Variants in CDK14 observed in about 807,000 individuals in gnomAD.
CDK14 encodes cyclin-dependent kinase 14.
Under a neutral mutation model 60.7 loss-of-function variants are expected in CDK14, and 34 were observed. The observed-to-expected ratio is 0.56, with a 90% confidence interval of 0.43 to 0.75. The LOEUF (loss-of-function observed/expected upper bound fraction) is 0.75. Ranked by LOEUF, CDK14 falls within the 30% of genes least tolerant of loss-of-function variation. The probability of loss-of-function intolerance (pLI) is 0.00; values close to 1 mark genes in which losing one functional copy is unlikely to be tolerated. For synonymous variants in CDK14, 197 were observed against 203.7 expected, an observed-to-expected ratio of 0.97 and a Z score of 0.28; for missense variants, 482 against 564.1, an observed-to-expected ratio of 0.85 and a Z score of 1.47.
At chr7:90,946,746 G>A (rs1246556182) in intron 8 of CDK14, among the ~76,000 whole-genome samples, 1 of 152,088 alleles carries the variant, frequency 6.6e-6, no homozygotes, top group Non-Finnish European at 1.5e-5. Flanking sequence ...CCTTTAGATT[G>A]GCTTTGACCA....
At chr7:90,768,138 G>A (rs1804641399) in intron 4 of CDK14, among the ~76,000 whole-genome samples, 1 of 152,126 alleles carries the variant, frequency 6.6e-6, no homozygotes, top group Non-Finnish European at 1.5e-5. Flanking sequence ...TGTTAAAAAA[G>A]GGCTCGTTTA....
intron 5 of CDK14, among the ~76,000 whole-genome samples, chr7:90,813,109 C>T (rs1466346109): frequency 1.3e-5 from 2 of 152,190 alleles, no homozygotes; most frequent in African/African-American, 4.8e-5. Flanking sequence ...GTTTGAACCT[C>T]ATAAACACTG....
intron 14 of CDK14, among the ~76,000 whole-genome samples, chr7:91,195,909 C>T (rs1047087152): frequency 6.6e-6 from 1 of 152,192 alleles, no homozygotes; most frequent in Non-Finnish European, 1.5e-5. Context: ...TTTCCTGTGT[C>T]TCTGTCTGCA....
intron 4 of CDK14, among the ~76,000 whole-genome samples, chr7:90,784,382 T>C (rs1805478917): frequency 6.6e-6 from 1 of 152,162 alleles, no homozygotes; most frequent in East Asian, 1.9e-4. Context: ...CAATAATTTA[T>C]TGCATATTTC....
chr7:91,197,269 G>A (rs983706152), intron 14 of CDK14, among the ~76,000 whole-genome samples: 1 of 152,008 alleles, frequency 6.6e-6, no homozygotes, highest in African/African-American at 2.4e-5. Context: ...GCATGGTGGC[G>A]TGTGCCTGTA....
chr7:91,132,337 C>T (rs1469111057), intron 14 of CDK14, among the ~76,000 whole-genome samples: 1 of 152,086 alleles, frequency 6.6e-6, no homozygotes, highest in African/African-American at 2.4e-5. Flanking sequence ...AGCTGTGTCA[C>T]AAAGTGCAGC....
At chr7:90,859,720 G>A (rs945497492) in intron 5 of CDK14, among the ~76,000 whole-genome samples, 7 of 151,886 alleles carry the variant, frequency 4.6e-5, no homozygotes, top group African/African-American at 1.5e-4. Flanking sequence ...AATGAACTTG[G>A]AATAACACAT....
chr7:91,096,097 T>C (rs1266010628), intron 12 of CDK14, among the ~76,000 whole-genome samples: 1 of 145,784 alleles, frequency 6.9e-6, no homozygotes, highest in Non-Finnish European at 1.5e-5. Flanking sequence ...AACAGTTATC[T>C]TCTATAATCA....
chr7:91,189,192 A>C (rs1034929739), intron 14 of CDK14, among the ~76,000 whole-genome samples: 4 of 152,198 alleles, frequency 2.6e-5, no homozygotes, highest in African/African-American at 9.6e-5. Flanking sequence ...CTTAAACATA[A>C]GAATATCAAA....
At chr7:90,655,792 C>T (rs1005416255) in intron 2 of CDK14, among the ~76,000 whole-genome samples, 12 of 152,220 alleles carry the variant, frequency 7.9e-5, no homozygotes, top group Middle Eastern at 3.4e-3. Context: ...ATAATTCTGC[C>T]GAGGGGTCTG....
At chr7:91,016,741 A>T (rs1796312271) in intron 10 of CDK14, among the ~76,000 whole-genome samples, 1 of 152,230 alleles carries the variant, frequency 6.6e-6, no homozygotes, top group Non-Finnish European at 1.5e-5. Context: ...TTCATCATCT[A>T]TAGCATGTTT....
At chr7:90,774,135 C>T (rs1804918193) in intron 4 of CDK14, among the ~76,000 whole-genome samples, 1 of 152,032 alleles carries the variant, frequency 6.6e-6, no homozygotes, top group South Asian at 2.1e-4. Flanking sequence ...AACTCCTGAC[C>T]TCAAGTGATC....
chr7:90,636,919 C>A (rs1431455296), intron 2 of CDK14, among the ~76,000 whole-genome samples: 1 of 150,460 alleles, frequency 6.6e-6, no homozygotes, highest in Non-Finnish European at 1.5e-5. Context: ...AGTTTATTTG[C>A]ATAGAGGTGT....
At chr7:90,641,107 AAAAAAC>A (rs149954132) in intron 2 of CDK14, among the ~76,000 whole-genome samples, 13,200 of 151,360 alleles carry the variant, frequency 0.087, 597 homozygotes, top group Middle Eastern at 0.19. Context: ...GGCCTGAAGA[AAAAAAC>A]AAAAACAAAA....
At chr7:90,966,313 T>G (rs1262283363) in intron 9 of CDK14, among the ~76,000 whole-genome samples, 6 of 152,218 alleles carry the variant, frequency 3.9e-5, no homozygotes, top group Admixed American at 3.9e-4. Context: ...GGACATTTTT[T>G]GGCTTTTCAT....
Position 90,635,029 on chromosome 7 carries a change from A to G in CDK14, c.123+30780A>G, listed in dbSNP as rs567056667. Among the ~76,000 whole-genome samples the G allele has an allele frequency of 3.9e-5, 6 of 152,224 alleles. No individual in the cohort carries two copies. The East Asian group carries it at 7.7e-4, about 20-fold the overall frequency. On this transcript the variant is annotated intron_variant, in intron 2 of 14. Transcript: ENST00000380050. ...TTGGAGTTCATTGTAGATTCTGGAT[A>G]TTAGCCCTTTGTCAGATGAGTAGGT...
At chr7:90,811,440 T>A (rs1789108109) in intron 5 of CDK14, among the ~76,000 whole-genome samples, 1 of 152,134 alleles carries the variant, frequency 6.6e-6, no homozygotes, top group South Asian at 2.1e-4. Context: ...CTGGATCCCT[T>A]CCTTACACCT....
intron 5 of CDK14, among the ~76,000 whole-genome samples, chr7:90,798,552 C>G (rs1788523285): frequency 6.6e-6 from 1 of 152,170 alleles, no homozygotes; most frequent in African/African-American, 2.4e-5. Context: ...TGATCAATTT[C>G]TCATTTACAA....
chr7:91,077,120 A>G (rs1284881334), intron 11 of CDK14, among the ~76,000 whole-genome samples: 1 of 152,216 alleles, frequency 6.6e-6, no homozygotes, highest in Non-Finnish European at 1.5e-5. Context: ...CAGAAATACC[A>G]TTTGACCCAG....
Sources: gnomAD v4.1 joint callset for allele counts (sites outside exome capture counted in the v4.1 genomes callset) on GRCh38, gnomAD v4.1.1 for gene constraint, MANE v1.5 for transcripts, NCBI Gene and HGNC (gene_info 2026-07-23, HGNC 2026-07-21) for gene names.